Variants in DYNC2I1 observed in about 807,000 individuals in gnomAD.
The protein encoded by DYNC2I1 is cytoplasmic dynein 2 intermediate chain 1.
DYNC2I1 carries 89 observed loss-of-function variants against 133.4 expected under a neutral mutation model. That is an observed-to-expected ratio of 0.67 (90% confidence interval 0.56 to 0.80). DYNC2I1 has a LOEUF of 0.80. Among genes scored for constraint, DYNC2I1 ranks in the 30% least tolerant of loss-of-function variants. DYNC2I1 has a pLI of 0.00. For missense variants in DYNC2I1, 1,291 were observed against 1,314.5 expected, an observed-to-expected ratio of 0.98 and a Z score of 0.28; for synonymous variants, 504 against 484.3, an observed-to-expected ratio of 1.04 and a Z score of -0.54.
Position 158,901,765 on chromosome 7 carries a change from A to G in DYNC2I1, c.1086A>G (p.Leu362=). The G allele has an allele frequency of 6.3e-7, 1 of 1,581,216 alleles. No homozygotes were observed. The highest frequency in any genetic ancestry group is 8.6e-7 in the Non-Finnish European group (1 of 1,163,804). Residue 362 remains leucine, a synonymous_variant, in exon 9 of 25, where the codon TTA becomes TTG. Coordinates refer to ENST00000407559, the MANE Select transcript of DYNC2I1 (RefSeq NM_018051.5). ...TVEIEKEETD[L]ENARADAYTA... ...AAATTGAAAAGGAAGAAACTGATTT[A>G]GAAAATGCTAGAGCTGATGCATATA... is the stretch of plus-strand genomic sequence containing the variant.
At chr7:158,882,365 G>T (rs926622125) in intron 5 of DYNC2I1, among the ~76,000 whole-genome samples, 2 of 152,002 alleles carry the variant, frequency 1.3e-5, no homozygotes, top group African/African-American at 2.4e-5. Flanking sequence ...TGGAGGATCT[G>T]TTGAGCCCAG....
chr7:158,901,930 A>T, intron 9 of DYNC2I1, 114 bp downstream of exon 9: 2 of 809,134 alleles, frequency 2.5e-6, no homozygotes, highest in Non-Finnish European at 3.8e-6. Flanking sequence ...CTAATACTCA[A>T]TATCTGGCTA....
chr7:158,871,596 C>G, intron 3 of DYNC2I1, 34 bp downstream of exon 3: 1 of 1,492,628 alleles, frequency 6.7e-7, no homozygotes, highest in African/African-American at 1.4e-5. Flanking sequence ...TGGTTCCACC[C>G]GAGGTGCCGC....
In DYNC2I1 at chr7:158,896,245, C is replaced by G. The variant is rs146103880; in HGVS notation, c.1059+4912C>G. On this transcript the variant is annotated intron_variant, in intron 8 of 24. Coordinates refer to ENST00000407559, the MANE Select transcript of DYNC2I1 (RefSeq NM_018051.5). ...ATGTTTTTTTGTAGATGTTCTTTATCAAGTGGAGGAAATTTCTCTCTATTC... is the reference window on the plus strand; with the variant it reads ...ATGTTTTTTTGTAGATGTTCTTTATGAAGTGGAGGAAATTTCTCTCTATTC... Among the ~76,000 whole-genome samples the G allele has an allele frequency of 3.9e-3, 601 of 152,240 alleles. 1 individual carries two copies. Among genetic ancestry groups the G allele is most frequent in the Non-Finnish European group, 7.0e-3 (473 of 68,012 alleles).
intron 15 of DYNC2I1, among the ~76,000 whole-genome samples, chr7:158,920,796 C>T (rs1848993548): frequency 6.6e-6 from 1 of 152,176 alleles, no homozygotes; most frequent in Non-Finnish European, 1.5e-5. Flanking sequence ...CCTGCGAATC[C>T]AGAATTTGAC....
At chr7:158,928,229 T>C (rs1165871743) in intron 20 of DYNC2I1, among the ~76,000 whole-genome samples, 1 of 151,370 alleles carries the variant, frequency 6.6e-6, no homozygotes, top group Non-Finnish European at 1.5e-5. Flanking sequence ...GACGGAGTAA[T>C]TCAGTCCTGT....
intron 4 of DYNC2I1, among the ~76,000 whole-genome samples, chr7:158,955,205 AC>A (rs1304341525): frequency 6.6e-6 from 1 of 152,072 alleles, no homozygotes; most frequent in Non-Finnish European, 1.5e-5. Context: ...TTAACACTTT[AC>A]TCTCTGTTCA....
At chr7:158,915,548 T>C in intron 14 of DYNC2I1, among the ~76,000 whole-genome samples, 1 of 151,792 alleles carries the variant, frequency 6.6e-6, no homozygotes, top group East Asian at 1.9e-4. Flanking sequence ...GACACGGTGG[T>C]TGAGATTAAG....
At chr7:158,873,069 C>T (rs1843021832) in intron 3 of DYNC2I1, among the ~76,000 whole-genome samples, 1 of 151,808 alleles carries the variant, frequency 6.6e-6, no homozygotes, top group Admixed American at 6.6e-5. Context: ...AAATCTGAAT[C>T]CTCATCGTAA....
intron 15 of DYNC2I1, among the ~76,000 whole-genome samples, chr7:158,921,537 G>T (rs1288434800): frequency 6.6e-6 from 1 of 152,194 alleles, no homozygotes; most frequent in Non-Finnish European, 1.5e-5. Context: ...GCAGCTGGAA[G>T]AAGACCTGAC....
Position 158,876,619 on chromosome 7 carries a change from A to G in DYNC2I1, c.501A>G (p.Val167=), listed in dbSNP as rs767509131. 4.4e-6 allele frequency: 7 copies of G among 1,573,732 alleles called. No individual in the cohort carries two copies. The highest frequency in any genetic ancestry group is 6.0e-6 in the Non-Finnish European group (7 of 1,167,210). The change falls in exon 4 of 25, where the codon GTA becomes GTG. Residue 167 remains valine (V), a synonymous_variant. Coordinates refer to ENST00000407559, the MANE Select transcript of DYNC2I1 (RefSeq NM_018051.5). ...AERKGRSVSK[V]RSEEKDEDSE... ...TTTTACTTCTTGTAGTAAGTAAAGT[A>G]AGAAGTGAAGAGAAAGATGAAGACT...
intron 11 of DYNC2I1, 99 bp from the exon 12 acceptor site, chr7:158,911,448 CAAT>C: frequency 7.7e-7 from 1 of 1,304,708 alleles, no homozygotes; most frequent in Non-Finnish European, 1.0e-6. Context: ...AGGTTTCTGA[CAAT>C]AACATGCATT....
intron 20 of DYNC2I1, 114 bp downstream of exon 20, chr7:158,927,157 G>T (rs763910637): frequency 1.4e-6 from 1 of 696,182 alleles, no homozygotes; most frequent in African/African-American, 1.8e-5. Flanking sequence ...GCCTCAGCAC[G>T]TTGGGAGGCT....
intron 7 of DYNC2I1, among the ~76,000 whole-genome samples, chr7:158,890,005 CAAAAA>C (rs35423707): frequency 7.4e-5 from 5 of 67,986 alleles, no homozygotes; most frequent in East Asian, 8.8e-4. Flanking sequence ...GACTCCTTCT[CAAAAA>C]AAAAAAAAAA....
At chr7:158,865,456 A>T (rs1842322708) in intron 1 of DYNC2I1, among the ~76,000 whole-genome samples, 1 of 152,222 alleles carries the variant, frequency 6.6e-6, no homozygotes, top group African/African-American at 2.4e-5. Flanking sequence ...AAATCGAGGG[A>T]CAGAGGCCCT....
the DYNC2I1 span, among the ~76,000 whole-genome samples, chr7:158,842,239 G>A: frequency 6.6e-6 from 1 of 152,200 alleles, no homozygotes; most frequent in Non-Finnish European, 1.5e-5. Context: ...ATATTGGTCA[G>A]GCTGGTTTCA....
intron 17 of DYNC2I1, among the ~76,000 whole-genome samples, chr7:158,924,447 T>C (rs139997786): frequency 1.3e-5 from 2 of 152,280 alleles, no homozygotes; most frequent in African/African-American, 4.8e-5. Context: ...ATCATAGATA[T>C]GTTGCGTGTC....
intron 1 of DYNC2I1, among the ~76,000 whole-genome samples, chr7:158,867,958 C>T (rs1842552644): frequency 6.6e-6 from 1 of 152,096 alleles, no homozygotes. Context: ...GGAACTCCAT[C>T]TCTACAAAAT....
At chr7:158,915,376 G>C (rs1847986547) in intron 14 of DYNC2I1, among the ~76,000 whole-genome samples, 1 of 108,932 alleles carries the variant, frequency 9.2e-6, no homozygotes, top group African/African-American at 3.2e-5. Flanking sequence ...AAGGATGATT[G>C]TGAAACGTCG....
Sources: allele counts gnomAD v4.1 joint callset (sites outside exome capture counted in the v4.1 genomes callset), GRCh38; gene constraint gnomAD v4.1.1; transcripts MANE v1.5; gene names NCBI Gene and HGNC (gene_info 2026-07-23, HGNC 2026-07-21).